PRKD3: variants seen among roughly 807,000 people sequenced by gnomAD.
PRKD3 encodes serine/threonine-protein kinase D3.
PRKD3 carries 47 observed loss-of-function variants against 99.2 expected under a neutral mutation model. That is an observed-to-expected ratio of 0.47 (90% CI 0.38 to 0.60). PRKD3 has a LOEUF of 0.60. Among genes scored for constraint, PRKD3 ranks in the 20% least tolerant of loss-of-function variants. PRKD3 has a pLI of 0.00. For missense variants in PRKD3, 1,019 were observed against 1,088.4 expected, an observed-to-expected ratio of 0.94 and a Z score of 0.90; for synonymous variants, 392 against 355.4, an observed-to-expected ratio of 1.10 and a Z score of -1.16.
chr2:37,300,302 G>C (rs990017670), intron 2 of PRKD3, among the ~76,000 whole-genome samples: 21 of 152,078 alleles, frequency 1.4e-4, no homozygotes, highest in African/African-American at 4.6e-4. Flanking sequence ...GTTCTCACTT[G>C]TATGTGAAAA....
At chr2:37,264,828 T>G (rs1029089057) in intron 14 of PRKD3, among the ~76,000 whole-genome samples, 2 of 152,170 alleles carry the variant, frequency 1.3e-5, no homozygotes, top group Non-Finnish European at 2.9e-5. Context: ...TCATAAAGAA[T>G]AATCACAGGT....
chr2:37,306,066 TC>T (rs1218823584), intron 2 of PRKD3, among the ~76,000 whole-genome samples: 10 of 127,640 alleles, frequency 7.8e-5, no homozygotes, highest in Admixed American at 4.6e-4. Flanking sequence ...TTCCTTGGAT[TC>T]TTTTTTTTTT....
At chr2:37,282,036 A>C (rs971329108) in intron 7 of PRKD3, among the ~76,000 whole-genome samples, 1 of 152,220 alleles carries the variant, frequency 6.6e-6, no homozygotes, top group African/African-American at 2.4e-5. Flanking sequence ...CTAAGGAACC[A>C]GACCATATGG....
intron 14 of PRKD3, among the ~76,000 whole-genome samples, 174 bp from the exon 15 acceptor site, chr2:37,260,558 A>C (rs1668351728): frequency 6.6e-6 from 1 of 152,242 alleles, no homozygotes; most frequent in Non-Finnish European, 1.5e-5. Flanking sequence ...TAATTCTCCA[A>C]GTTGTGTACT....
rs375179724 is a variant in PRKD3 at position 37,272,444 on chromosome 2, A to G, written c.1652-12T>C. Reference sequence around the variant, plus strand: ...TGTAGACAAATCTTCTGTAAAATATAAAAAAGACAAAATTTAGTATATGAC... The same window carrying G: ...TGTAGACAAATCTTCTGTAAAATATGAAAAAGACAAAATTTAGTATATGAC... On this transcript the variant is annotated splice_polypyrimidine_tract_variant and intron_variant, in intron 11 of 18. Coordinates refer to ENST00000234179, the MANE Select transcript of PRKD3 (RefSeq NM_005813.6). The G allele has an allele frequency of 1.9e-6, 3 of 1,597,428 alleles. No homozygotes were observed. The highest frequency in any genetic ancestry group is 1.7e-6 in the Non-Finnish European group (2 of 1,174,792).
At chr2:37,290,250 A>G (rs901813042) in intron 4 of PRKD3, among the ~76,000 whole-genome samples, 2 of 151,636 alleles carry the variant, frequency 1.3e-5, no homozygotes, top group African/African-American at 4.8e-5. Context: ...TTTTTTTGAG[A>G]CAGAGTTTCG....
intron 2 of PRKD3, among the ~76,000 whole-genome samples, chr2:37,313,381 G>A (rs1248390348): frequency 6.6e-6 from 1 of 150,912 alleles, no homozygotes; most frequent in Admixed American, 6.6e-5. Context: ...CAGCAGTGGA[G>A]GTACTATGGA....
In PRKD3 at chr2:37,287,889, C is replaced by T. The variant is rs147231790; in HGVS notation, c.717+1467G>A. On this transcript the variant is annotated intron_variant, in intron 5 of 18. Coordinates refer to ENST00000234179, the MANE Select transcript of PRKD3 (RefSeq NM_005813.6). ...TGTTCACCTGGTAGAAAAACCCAAACAGTTGGAAAATAAAGTTCTTCTTTT... is the reference window on the plus strand; with the variant it reads ...TGTTCACCTGGTAGAAAAACCCAAATAGTTGGAAAATAAAGTTCTTCTTTT... Among the ~76,000 whole-genome samples, 22 of 152,262 alleles carry T rather than the reference C, an allele frequency of 1.4e-4. No individual in the cohort carries two copies. In the East Asian group the frequency reaches 4.2e-3, roughly 29 times the overall value.
In PRKD3 at chr2:37,279,503, GAACAAAA is replaced by G. The variant is rs149467410; in HGVS notation, c.1172+236_1172+242del. 1.2e-3 allele frequency: 301 copies of G among 254,774 alleles called. 1 individual carries two copies. The highest frequency in any genetic ancestry group is 6.9e-3 in the East Asian group (91 of 13,226). 15.8% of individuals were successfully genotyped at this position (254,774 alleles called of 1,614,324 possible). A position where few individuals can be genotyped will look rare whatever the true frequency, so the allele number is the denominator to read the frequency against. On this transcript the variant is annotated intron_variant, in intron 8 of 18. Coordinates refer to ENST00000234179, the MANE Select transcript of PRKD3 (RefSeq NM_005813.6). ...CCACACTTAAAGCATTTTTCTTTAA[GAACAAAA>G]AACAAAAAACGAAAAAAAAAAAACA...
At chr2:37,266,979 T>A (rs1373574403) in intron 14 of PRKD3, among the ~76,000 whole-genome samples, 1 of 152,236 alleles carries the variant, frequency 6.6e-6, no homozygotes, top group African/African-American at 2.4e-5. Flanking sequence ...ATTTATGGAA[T>A]TGAAATCATT....
At chr2:37,302,852 G>A (rs777076808) in intron 2 of PRKD3, among the ~76,000 whole-genome samples, 3 of 152,056 alleles carry the variant, frequency 2.0e-5, no homozygotes, top group Non-Finnish European at 4.4e-5. Context: ...AGAAATACTA[G>A]GCAGACAGGG....
intron 12 of PRKD3, among the ~76,000 whole-genome samples, chr2:37,270,351 G>A (rs200160010): frequency 3.4e-4 from 48 of 140,790 alleles, no homozygotes; most frequent in Non-Finnish European, 3.7e-4. Context: ...TTGATTTTTG[G>A]AAAAAAAAAA....
rs145752240 is a variant in PRKD3, at chr2:37,317,422, A to C, written c.-655-243T>G. On this transcript the variant is annotated intron_variant, in intron 1 of 18. Transcript: ENST00000234179. ...CACTGATACCTAAAACTTAAACATT[A>C]AACATTTTTTAAAATTTACCTCATT... Among the ~76,000 whole-genome samples, 88 of 151,712 alleles carry C rather than the reference A, an allele frequency of 5.8e-4. No individual in the cohort carries two copies. In the East Asian group the frequency reaches 0.012, roughly 20 times the overall value.
intron 15 of PRKD3, 134 bp from the exon 16 acceptor site, chr2:37,259,815 CTTAAGG>C: frequency 1.6e-6 from 1 of 629,754 alleles, no homozygotes; most frequent in East Asian, 2.8e-5. Context: ...TATTCTGCTC[CTTAAGG>C]TTAACAATTC....
chr2:37,270,376 G>C (rs894794492), intron 12 of PRKD3, among the ~76,000 whole-genome samples: 3 of 135,424 alleles, frequency 2.2e-5, no homozygotes, highest in Non-Finnish European at 4.7e-5. Context: ...AAACTCAAAA[G>C]TTCATATTAC....
chr2:37,257,845 G>T (rs562381024), intron 16 of PRKD3, among the ~76,000 whole-genome samples: 44 of 151,650 alleles, frequency 2.9e-4, no homozygotes, highest in Non-Finnish European at 1.8e-4. Context: ...GACTGCCCCA[G>T]TGAGTAACAG....
In PRKD3 at chr2:37,293,111, C is replaced by T. The variant is rs775563330; in HGVS notation, c.427+22G>A. The stretch of plus-strand genomic sequence containing the variant: ...GCTCTTTGAGGGGAAAAGGCAATCA[C>T]TCTAAAAAGCCACTTACTTACCTGA... On this transcript the variant is annotated intron_variant, in intron 3 of 18. Transcript: ENST00000234179. The T allele has an allele frequency of 3.9e-6, 6 of 1,537,818 alleles. No homozygotes were observed. In the African/African-American group the frequency reaches 5.4e-5, roughly 14 times the overall value.
rs563095873 is a variant in PRKD3, at chr2:37,261,540, C to T, written c.1885-1156G>A. Among the ~76,000 whole-genome samples, 11 of 151,800 alleles carry T rather than the reference C, an allele frequency of 7.2e-5. No individual in the cohort carries two copies. The South Asian group carries it at 8.3e-4, about 12-fold the overall frequency. On this transcript the variant is annotated intron_variant, in intron 14 of 18. Transcript: ENST00000234179. Reference sequence around the variant, plus strand: ...TCACGCCTGTAATCCCAACATTTTGCGAGGCCAAGGCAGGCGGATCACCTG... The same window carrying T: ...TCACGCCTGTAATCCCAACATTTTGTGAGGCCAAGGCAGGCGGATCACCTG...
rs1667956199 is a variant in PRKD3, at chr2:37,256,562, A to G, written c.2413+100T>C. Reference sequence around the variant, plus strand: ...GATGAATGGGAGATGTACTAAAAAGATAAGTTGCAAGAGACAGACTGATTT... The same window carrying G: ...GATGAATGGGAGATGTACTAAAAAGGTAAGTTGCAAGAGACAGACTGATTT... On this transcript the variant is annotated intron_variant, in intron 17 of 18. Transcript: ENST00000234179. 9 of 1,352,044 alleles carry G rather than the reference A, an allele frequency of 6.7e-6. No individual in the cohort carries two copies. In the Admixed American group the frequency reaches 1.5e-4, roughly 22 times the overall value. The allele number at this position is 1,352,044 out of a possible 1,614,324, so 83.8% of individuals were successfully genotyped here. A position where few individuals can be genotyped will look rare whatever the true frequency, so the allele number is the denominator to read the frequency against.
Sources: gnomAD v4.1 joint callset for allele counts (sites outside exome capture counted in the v4.1 genomes callset) on GRCh38, gnomAD v4.1.1 for gene constraint, MANE v1.5 for transcripts, NCBI Gene and HGNC (gene_info 2026-07-23, HGNC 2026-07-21) for gene names.